Variants in CNTNAP2 observed in about 807,000 individuals in gnomAD.
The protein encoded by CNTNAP2 is contactin associated protein 2.
CNTNAP2 carries 98 observed loss-of-function variants against 155.2 expected under a neutral mutation model. The ratio of observed to expected loss-of-function variants is 0.63; its 90% CI spans 0.54 to 0.75. CNTNAP2 has a LOEUF of 0.75. Among genes scored for constraint, CNTNAP2 ranks in the 30% least tolerant of loss-of-function variants. The pLI, the probability that CNTNAP2 is intolerant of heterozygous loss-of-function variation, is 0.00. For missense variants in CNTNAP2, 1,727 were observed against 1,688.1 expected (o/e 1.02, Z -0.40); for synonymous variants, 651 against 631.2 (o/e 1.03, Z -0.47).
At chr7:147,131,519 G>C (rs551329411) in intron 7 of CNTNAP2, among the ~76,000 whole-genome samples, 3 of 151,708 alleles carry the variant, frequency 2.0e-5, no homozygotes, top group South Asian at 4.2e-4. Context: ...AAGGGGAGGG[G>C]AAAGCCTGAA....
chr7:148,229,844 T>G, intron 20 of CNTNAP2, 65 bp downstream of exon 20: 1 of 1,594,634 alleles, frequency 6.3e-7, no homozygotes, highest in Non-Finnish European at 8.6e-7. Flanking sequence ...CCTATAATGC[T>G]TGGCCATTGG....
At chr7:147,836,971 T>C (rs931800029) in intron 13 of CNTNAP2, among the ~76,000 whole-genome samples, 6 of 152,184 alleles carry the variant, frequency 3.9e-5, no homozygotes, top group Non-Finnish European at 5.9e-5. Flanking sequence ...CCCAAAGGCA[T>C]TTCATAAATA....
intron 11 of CNTNAP2, among the ~76,000 whole-genome samples, chr7:147,510,256 C>A (rs1798990909): frequency 6.6e-6 from 1 of 152,184 alleles, no homozygotes; most frequent in Non-Finnish European, 1.5e-5. Flanking sequence ...AGGGCTAAAA[C>A]CCAGTATTTA....
At chr7:147,263,896 G>T (rs1804548107) in intron 8 of CNTNAP2, among the ~76,000 whole-genome samples, 1 of 152,200 alleles carries the variant, frequency 6.6e-6, no homozygotes, top group Non-Finnish European at 1.5e-5. Flanking sequence ...TGCAAAGCAA[G>T]ACGTATAGGG....
intron 3 of CNTNAP2, among the ~76,000 whole-genome samples, chr7:146,878,919 T>C (rs1347835501): frequency 6.6e-6 from 1 of 152,206 alleles, no homozygotes; most frequent in Non-Finnish European, 1.5e-5. Flanking sequence ...TTTGCTATAA[T>C]GGACACTTAC....
chr7:146,662,678 G>A (rs576837964), intron 1 of CNTNAP2, among the ~76,000 whole-genome samples: 141 of 79,256 alleles, frequency 1.8e-3, no homozygotes, highest in African/African-American at 3.4e-3. Flanking sequence ...ATATCTTTGT[G>A]TAAAAGATGT....
chr7:147,936,179 G>A (rs1253127646), intron 14 of CNTNAP2, among the ~76,000 whole-genome samples: 1 of 152,072 alleles, frequency 6.6e-6, no homozygotes, highest in Non-Finnish European at 1.5e-5. Context: ...TACATTAAAA[G>A]CAAGTCTTTT....
chr7:146,520,972 G>A (rs1275494972), intron 1 of CNTNAP2, among the ~76,000 whole-genome samples: 2 of 151,828 alleles, frequency 1.3e-5, no homozygotes, highest in South Asian at 2.1e-4. Context: ...AATGTATATG[G>A]CATTTTAATT....
chr7:147,547,961 G>A (rs1284565478), intron 11 of CNTNAP2, among the ~76,000 whole-genome samples: 1 of 152,146 alleles, frequency 6.6e-6, no homozygotes, highest in East Asian at 1.9e-4. Flanking sequence ...TGGCTGTGTA[G>A]TATTCCATGG....
chr7:148,370,333 C>T (rs375342643), intron 21 of CNTNAP2, among the ~76,000 whole-genome samples: 10 of 152,294 alleles, frequency 6.6e-5, no homozygotes, highest in South Asian at 2.1e-4. Flanking sequence ...CTCTGGTCTC[C>T]GGTTCCTGGA....
intron 1 of CNTNAP2, among the ~76,000 whole-genome samples, chr7:146,500,441 G>C (rs1246976531): frequency 2.0e-5 from 3 of 152,128 alleles, no homozygotes; most frequent in Non-Finnish European, 4.4e-5. Context: ...ACTTAGTTGG[G>C]GGGAGGTAAA....
intron 4 of CNTNAP2, among the ~76,000 whole-genome samples, chr7:147,067,670 G>A (rs1279370195): frequency 6.6e-6 from 1 of 152,064 alleles, no homozygotes; most frequent in Non-Finnish European, 1.5e-5. Flanking sequence ...TTCACTTTGG[G>A]CAAACTACTT....
At chr7:146,297,525 G>C (rs1413574811) in intron 1 of CNTNAP2, among the ~76,000 whole-genome samples, 1 of 151,782 alleles carries the variant, frequency 6.6e-6, no homozygotes, top group Non-Finnish European at 1.5e-5. Flanking sequence ...TCACAGAAGA[G>C]AATAAAGGCA....
At chr7:148,334,796 G>T (rs1406219944) in intron 21 of CNTNAP2, among the ~76,000 whole-genome samples, 2 of 152,222 alleles carry the variant, frequency 1.3e-5, no homozygotes, top group African/African-American at 4.8e-5. Flanking sequence ...GCCTGCCTGG[G>T]GGAACTCCAG....
At chr7:147,502,404 G>A (rs2373099) in intron 11 of CNTNAP2, among the ~76,000 whole-genome samples, 48,348 of 151,866 alleles carry the variant, frequency 0.32, 7,923 homozygotes, top group East Asian at 0.43. Flanking sequence ...AACAAATGCT[G>A]TATCTATCAC....
intron 1 of CNTNAP2, among the ~76,000 whole-genome samples, chr7:146,433,063 A>T (rs1319866291): frequency 6.6e-6 from 1 of 152,156 alleles, no homozygotes; most frequent in African/African-American, 2.4e-5. Flanking sequence ...TAAACTAAGA[A>T]GTGTCTCGCA....
chr7:147,456,008 T>A (rs903672536), intron 10 of CNTNAP2, among the ~76,000 whole-genome samples: 3 of 152,112 alleles, frequency 2.0e-5, no homozygotes, highest in Admixed American at 6.6e-5. Flanking sequence ...TTCTGTAACA[T>A]AAGAATTGAT....
intron 10 of CNTNAP2, among the ~76,000 whole-genome samples, chr7:147,459,663 ATGCAGAC>A (rs1210579311): frequency 1.3e-5 from 2 of 152,190 alleles, no homozygotes; most frequent in African/African-American, 4.8e-5. Flanking sequence ...GAGCCAAGGA[ATGCAGAC>A]TGCCTTTCGA....
At chr7:146,482,205 A>AG (rs1217562778) in intron 1 of CNTNAP2, among the ~76,000 whole-genome samples, 4 of 127,726 alleles carry the variant, frequency 3.1e-5, no homozygotes, top group African/African-American at 5.7e-5. Flanking sequence ...GCTAAGAATT[A>AG]GAAAAAAAAA....
Sources: gnomAD v4.1 joint callset for allele counts (sites outside exome capture counted in the v4.1 genomes callset) on GRCh38, gnomAD v4.1.1 for gene constraint, MANE v1.5 for transcripts, NCBI Gene and HGNC (gene_info 2026-07-23, HGNC 2026-07-21) for gene names.